Variants in GPR89B observed in about 807,000 individuals in gnomAD.
GPR89B encodes the protein golgi pH regulator B.
A neutral mutation model predicts 52.4 loss-of-function variants in GPR89B; 25 were observed. The observed-to-expected ratio is 0.48, with a 90% CI of 0.35 to 0.67. The LOEUF is 0.67. Ranked by LOEUF, GPR89B falls within the 30% of genes least tolerant of loss-of-function variation. The probability of loss-of-function intolerance (pLI) is 0.01; values close to 1 mark genes in which losing one functional copy is unlikely to be tolerated. For synonymous variants in GPR89B, 52 were observed against 151.2 expected (o/e 0.34, Z 4.81); for missense variants, 146 against 450.2 (o/e 0.32, Z 6.11).
chr1:147,935,409 A>C (rs1653998764), intron 1 of GPR89B, among the ~76,000 whole-genome samples: 2 of 152,238 alleles, frequency 1.3e-5, no homozygotes, highest in Admixed American at 1.3e-4. Context: ...CATTTTATTC[A>C]TAAGGGTCCT....
rs1421117747 is a variant in GPR89B at position 147,971,797 on chromosome 1, C to A, written c.909+1838C>A. On this transcript the variant is annotated intron_variant, in intron 10 of 13. Coordinates refer to ENST00000314163, the MANE Select transcript of GPR89B (RefSeq NM_016334.5). ...ACCCAGCCAGCATGTCATTTTTTAA[C>A]AGGCTTGTTGGGGTATAACTGATAT... Among the ~76,000 whole-genome samples, 370 of 152,024 alleles carry A rather than the reference C, an allele frequency of 2.4e-3. 2 individuals are homozygous for A. The highest frequency in any genetic ancestry group is 0.024 in the Middle Eastern group (7 of 294).
the GPR89B span, among the ~76,000 whole-genome samples, chr1:148,016,851 TA>T: frequency 2.0e-5 from 3 of 149,900 alleles, no homozygotes; most frequent in Admixed American, 6.6e-5. Context: ...TCTTTTCATT[TA>T]AAAAAAAATC....
At chr1:147,947,017 A>G (rs1354717655) in intron 5 of GPR89B, among the ~76,000 whole-genome samples, 1 of 151,966 alleles carries the variant, frequency 6.6e-6, no homozygotes, top group African/African-American at 2.4e-5. Context: ...AACAACCAGT[A>G]TGGTTGTTTA....
intron 1 of GPR89B, among the ~76,000 whole-genome samples, chr1:147,934,694 CTT>C (rs1406570331): frequency 1.3e-5 from 2 of 152,088 alleles, no homozygotes; most frequent in Admixed American, 1.3e-4. Context: ...TGGTCTCCCT[CTT>C]TCATATTGTT....
At chr1:147,932,510 A>C (rs1407285659) in intron 1 of GPR89B, among the ~76,000 whole-genome samples, 5 of 152,076 alleles carry the variant, frequency 3.3e-5, no homozygotes, top group African/African-American at 1.2e-4. Context: ...TTAATCAGCT[A>C]CTTGTTTCAT....
At chr1:147,994,321 A>G (rs1188442547), downstream of GPR89B, 6 of 1,535,782 alleles carry the variant, frequency 3.9e-6, no homozygotes, top group Non-Finnish European at 5.4e-6. Flanking sequence ...GTATCTTCAG[A>G]ATTGGAAGAA....
chr1:147,991,101 G>C lies in GPR89B; in HGVS notation c.1096-1401G>C, dbSNP rs1319686131. 1.2e-3 allele frequency among the ~76,000 whole-genome samples: 186 copies of C among 150,616 alleles called. 3 individuals carry two copies. The highest frequency in any genetic ancestry group is 4.5e-3 in the African/African-American group (182 of 40,390). On this transcript the variant is annotated intron_variant, in intron 12 of 13. Coordinates refer to ENST00000314163, the MANE Select transcript of GPR89B (RefSeq NM_016334.5). The stretch of plus-strand genomic sequence containing the variant: ...ATGAACATGGAATGTTCTTCCATGT[G>C]TTTGTTTCCTCTTTTATTGTGTTGA...
chr1:147,960,417 GAA>G (rs1656447529), intron 7 of GPR89B, among the ~76,000 whole-genome samples: 1 of 152,016 alleles, frequency 6.6e-6, no homozygotes, highest in Admixed American at 6.6e-5. Flanking sequence ...TGATACAAGT[GAA>G]AAGAGAATCC....
chr1:147,992,497 G>A lies in GPR89B; in HGVS notation c.1096-5G>A, dbSNP rs1659142391. ...GCATAAATTTATCTCCCTCTTTCTT[G>A]ACAGTTCTTTTATGCCATCTCTAGC... On this transcript the variant is annotated splice_region_variant and splice_polypyrimidine_tract_variant and intron_variant, in intron 12 of 13. Coordinates refer to ENST00000314163, the MANE Select transcript of GPR89B (RefSeq NM_016334.5). The A allele has an allele frequency of 6.2e-7, 1 of 1,611,232 alleles. No individual in the cohort carries two copies. Among genetic ancestry groups the A allele is most frequent in the African/African-American group, 1.3e-5 (1 of 74,676 alleles).
rs1553249843 is a variant in GPR89B at position 147,946,656 on chromosome 1, AC to A, written c.415+2559del. Among the ~76,000 whole-genome samples the A allele has an allele frequency of 2.6e-5, 4 of 152,204 alleles. No homozygotes were observed. In the South Asian group the frequency reaches 8.3e-4, roughly 32 times the overall value. On this transcript the variant is annotated intron_variant, in intron 5 of 13. Coordinates refer to ENST00000314163, the MANE Select transcript of GPR89B (RefSeq NM_016334.5). ...CATGCACTACAAAGACCCGACTCTG[AC>A]ACCTTTCTCCAGCTTTCTCCTGTGT...
intron 7 of GPR89B, among the ~76,000 whole-genome samples, chr1:147,965,908 G>A (rs1198662781): frequency 6.6e-6 from 1 of 151,790 alleles, no homozygotes; most frequent in Non-Finnish European, 1.5e-5. Flanking sequence ...GTGCAGTGGC[G>A]TGATCTCAGC....
chr1:147,990,399 G>T (rs1658972453), intron 12 of GPR89B, among the ~76,000 whole-genome samples: 3 of 152,114 alleles, frequency 2.0e-5, no homozygotes, highest in Admixed American at 2.0e-4. Context: ...TCTGTAGGTT[G>T]CCTGTTCACT....
intron 7 of GPR89B, among the ~76,000 whole-genome samples, chr1:147,959,014 A>C (rs1391643935): frequency 1.3e-5 from 2 of 152,052 alleles, no homozygotes; most frequent in African/African-American, 2.4e-5. Context: ...TTACAAAATA[A>C]AATTTTTTTT....
chr1:147,983,196 G>A (rs1381210972), intron 10 of GPR89B, among the ~76,000 whole-genome samples: 3 of 152,116 alleles, frequency 2.0e-5, no homozygotes, highest in African/African-American at 2.4e-5. Context: ...AGACTTAAAC[G>A]TTAGACCTAA....
chr1:147,990,881 G>A (rs1313334099), intron 12 of GPR89B, among the ~76,000 whole-genome samples: 5 of 151,574 alleles, frequency 3.3e-5, no homozygotes, highest in African/African-American at 7.3e-5. Context: ...GTCAGGTAGC[G>A]TGATGCCTCC....
intron 7 of GPR89B, among the ~76,000 whole-genome samples, chr1:147,958,465 C>T (rs1326361927): frequency 1.4e-5 from 2 of 147,806 alleles, no homozygotes; most frequent in Admixed American, 6.8e-5. Flanking sequence ...ATGGCAAAAC[C>T]CCATCTCTAG....
At chr1:147,962,524 T>G (rs1656662652) in intron 7 of GPR89B, among the ~76,000 whole-genome samples, 1 of 151,726 alleles carries the variant, frequency 6.6e-6, no homozygotes, top group African/African-American at 2.4e-5. Context: ...AAAGATAACC[T>G]TTCACCAAAT....
the GPR89B span, among the ~76,000 whole-genome samples, chr1:148,020,948 A>C: frequency 2.0e-5 from 3 of 151,436 alleles, no homozygotes; most frequent in African/African-American, 7.3e-5. Flanking sequence ...TCGGCCTCCC[A>C]AAGTGGTGGG....
intron 1 of GPR89B, among the ~76,000 whole-genome samples, chr1:147,936,054 A>G (rs1309308677): frequency 1.7e-4 from 26 of 152,086 alleles, no homozygotes; most frequent in African/African-American, 6.0e-4. Context: ...GTCTCACTCT[A>G]TCACCCAGGC....
Sources: gnomAD v4.1 joint callset for allele counts (sites outside exome capture counted in the v4.1 genomes callset) on GRCh38, gnomAD v4.1.1 for gene constraint, MANE v1.5 for transcripts, NCBI Gene and HGNC (gene_info 2026-07-23, HGNC 2026-07-21) for gene names.